The following GAREM2 variants were observed in gnomAD, a reference collection of about 807,000 sequenced individuals.
The protein encoded by GAREM2 is GRB2-associated and regulator of MAPK protein 2.
GAREM2 carries 30 observed loss-of-function variants against 55.6 expected under a neutral mutation model. The ratio of observed to expected loss-of-function variants is 0.54; its 90% CI spans 0.40 to 0.73. GAREM2 has a LOEUF of 0.73. GAREM2 is among the 30% of genes least tolerant of loss of function. The probability of loss-of-function intolerance (pLI) is 0.00; values close to 1 mark genes in which losing one functional copy is unlikely to be tolerated. For synonymous variants in GAREM2, 550 were observed against 569.1 expected (o/e 0.97, Z 0.48); for missense variants, 1,075 against 1,257.7 (o/e 0.85, Z 2.20).
At chr2:26,201,050 T>TA in the GAREM2 span, 1 of 912,382 alleles carries the variant, frequency 1.1e-6, no homozygotes, top group East Asian at 2.5e-5. Context: ...GTCCTTTTTA[T>TA]AAAAGCAATC....
Position 26,184,350 on chromosome 2 carries a change from C to T in GAREM2, c.502C>T (p.Arg168Cys), listed in dbSNP as rs1278472082. 1 of 1,548,872 alleles carries T rather than the reference C, an allele frequency of 6.5e-7. No individual in the cohort carries two copies. The highest frequency in any genetic ancestry group is 8.7e-7 in the Non-Finnish European group (1 of 1,145,854). Residue 168 changes from arginine to cysteine, a missense_variant, in exon 4 of 6, where the codon CGC becomes TGC. Physicochemically the swap from Arg to Cys is radical, Grantham distance 180. Around this residue, in one of 6 missense-constraint regions of GAREM2, gnomAD observed 230 missense variants for 310.6 expected, o/e 0.74. Transcript: ENST00000401533. ...EILCAKTTKE[R>C]SRFTTLLRKL... ...CCTGTGCGCCAAGACCACCAAGGAG[C>T]GCTCGCGCTTCACCACCCTCCTGCG...
Position 26,184,338 on chromosome 2 carries a change from A to C in GAREM2, c.490A>C (p.Thr164Pro), listed in dbSNP as rs760689199. 21 of 1,550,164 alleles carry C rather than the reference A, an allele frequency of 1.4e-5. No homozygotes were observed. In the African/African-American group the frequency reaches 2.7e-4, roughly 20 times the overall value. Reference sequence around the variant, plus strand: ...CCAGGCGGAGATCCTGTGCGCCAAGACCACCAAGGAGCGCTCGCGCTTCAC... The same window carrying C: ...CCAGGCGGAGATCCTGTGCGCCAAGCCCACCAAGGAGCGCTCGCGCTTCAC... ...MGQAEILCAK[T>P]TKERSRFTTL... The change falls in exon 4 of 6, where the codon ACC becomes CCC. Residue 164 changes from threonine (T) to proline (P), a missense_variant. Transcript: ENST00000401533.
At chr2:26,202,515 C>T in the GAREM2 span, among the ~76,000 whole-genome samples, 11 of 152,110 alleles carry the variant, frequency 7.2e-5, no homozygotes, top group Non-Finnish European at 1.3e-4. Flanking sequence ...CTGCAGCAGG[C>T]GGATCACTTG....
downstream of GAREM2, among the ~76,000 whole-genome samples, chr2:26,192,646 C>T (rs748433293): frequency 7.9e-5 from 12 of 151,846 alleles, no homozygotes; most frequent in Non-Finnish European, 1.5e-4. Flanking sequence ...ATTAGCTGGG[C>T]GAAGCAGGAG....
intron 4 of GAREM2, 22 bp downstream of exon 4, chr2:26,185,298 C>G (rs1486321308): frequency 6.7e-7 from 1 of 1,490,072 alleles, no homozygotes; most frequent in Non-Finnish European, 8.9e-7. Flanking sequence ...CGCTGGGGGC[C>G]GAGTCCCGGG....
the GAREM2 span, among the ~76,000 whole-genome samples, chr2:26,201,715 G>A: frequency 7.2e-5 from 11 of 152,130 alleles, no homozygotes; most frequent in African/African-American, 1.9e-4. Flanking sequence ...AGCAGCCAAA[G>A]TGTGTCTGAG....
rs1402802266 is a variant in GAREM2, at chr2:26,183,000, T to G, written c.287T>G (p.Val96Gly). 1 of 1,551,670 alleles carries G rather than the reference T, an allele frequency of 6.4e-7. No homozygotes were observed. Among genetic ancestry groups the G allele is most frequent in the Admixed American group, 2.0e-5 (1 of 51,004 alleles). The change falls in exon 3 of 6, where the codon GTG becomes GGG. Residue 96 changes from valine (V) to glycine (G), a missense_variant. By Grantham distance (109) the Val-to-Gly change is moderately radical. Transcript: ENST00000401533. ...KFKLLEQARDVREPVRYFSSV... is the reference protein window; with the variant it reads ...KFKLLEQARDGREPVRYFSSV... ...AAGCTCCTGGAACAGGCCCGGGATG[T>G]GCGGGAGCCAGTGAGGTACTTCAGC...
the GAREM2 span, among the ~76,000 whole-genome samples, chr2:26,198,380 G>T: frequency 0.024 from 2,837 of 117,258 alleles, 104 homozygotes; most frequent in African/African-American, 0.086. Context: ...TTTTTTTTTT[G>T]TTTTTTTTTT....
downstream of GAREM2, chr2:26,191,177 A>G (rs1415953523): frequency 2.1e-5 from 30 of 1,444,958 alleles, no homozygotes; most frequent in Admixed American, 5.0e-4. Flanking sequence ...AAATCTAGAC[A>G]CCACTCTGTT....
chr2:26,201,268 T>C, the GAREM2 span: 4 of 1,612,078 alleles, frequency 2.5e-6, no homozygotes, highest in Non-Finnish European at 3.4e-6. Flanking sequence ...TTGCTGAAGA[T>C]GGAATCCCTT....
intron 1 of GAREM2, 107 bp downstream of exon 1, chr2:26,173,439 A>C: frequency 1.9e-6 from 1 of 531,160 alleles, no homozygotes; most frequent in African/African-American, 2.0e-5. Flanking sequence ...GCACCCTCCC[A>C]GCTCCCCGGC....
the GAREM2 span, chr2:26,204,178 A>G: frequency 6.2e-7 from 1 of 1,614,070 alleles, no homozygotes; most frequent in Non-Finnish European, 8.5e-7. Context: ...TCAGCCCTGC[A>G]CCAAGAATAG....
chr2:26,196,705 T>C, the GAREM2 span, among the ~76,000 whole-genome samples: 2 of 152,174 alleles, frequency 1.3e-5, no homozygotes, highest in Non-Finnish European at 2.9e-5. Flanking sequence ...TCCTAGATAC[T>C]TGGAGGGCAG....
At chr2:26,180,368 A>G (rs577638230) in intron 2 of GAREM2, among the ~76,000 whole-genome samples, 152 of 152,202 alleles carry the variant, frequency 1.0e-3, no homozygotes, top group African/African-American at 3.7e-3. Flanking sequence ...TGGGATGAAC[A>G]TCCCCAAAGG....
At position 26,186,340 on chromosome 2, in the gene GAREM2, C is replaced by G; in HGVS notation, c.1580C>G (p.Ser527Cys). 1 of 1,551,922 alleles carries G rather than the reference C, an allele frequency of 6.4e-7. No individual in the cohort carries two copies. The highest frequency in any genetic ancestry group is 8.7e-7 in the Non-Finnish European group (1 of 1,147,024). ...HSPSSSLSYY[S>C]SGLQDGAGSR... The stretch of plus-strand genomic sequence containing the variant: ...CCCAGCTCCAGCCTCTCCTACTACT[C>G]CTCTGGCCTCCAGGATGGGTGAGTC... The change falls in exon 5 of 6, where the codon TCC becomes TGC. Residue 527 changes from serine to cysteine, a missense_variant. Ser to Cys is a moderately radical substitution (Grantham distance 112, BLOSUM62 -1). Around this residue, in one of 6 missense-constraint regions of GAREM2, gnomAD observed 515 missense variants for 501.5 expected, o/e 1.03. Coordinates refer to ENST00000401533, the MANE Select transcript of GAREM2 (RefSeq NM_001168241.2).
Position 26,186,421 on chromosome 2 carries a change from A to AGG in GAREM2, c.1598+67_1598+68dup, listed in dbSNP as rs1050600561. 6.9e-6 allele frequency: 10 copies of AGG among 1,454,012 alleles called. No homozygotes were observed. In the African/African-American group the frequency reaches 1.4e-4, roughly 20 times the overall value. The allele number at this position is 1,454,012 out of a possible 1,614,324, so 90.1% of individuals were successfully genotyped here. A position where few individuals can be genotyped will look rare whatever the true frequency, so the allele number is the denominator to read the frequency against. Reference sequence around the variant, plus strand: ...TAGATCAAGGCAGGGAAGGGTGAGGAGGGGGAACTACAGTGCTGAGGAAGA... The same window carrying AGG: ...TAGATCAAGGCAGGGAAGGGTGAGGAGGGGGGGAACTACAGTGCTGAGGAAGA... On this transcript the variant is annotated intron_variant, in intron 5 of 5. Coordinates refer to ENST00000401533, the MANE Select transcript of GAREM2 (RefSeq NM_001168241.2).
chr2:26,191,082 C>A, downstream of GAREM2: 1 of 695,500 alleles, frequency 1.4e-6, no homozygotes, highest in South Asian at 1.6e-5. Context: ...TCACACTTCA[C>A]CAGGAGGGAG....
At chr2:26,180,285 C>T (rs1206701228) in intron 2 of GAREM2, among the ~76,000 whole-genome samples, 3 of 152,200 alleles carry the variant, frequency 2.0e-5, no homozygotes, top group Non-Finnish European at 4.4e-5. Flanking sequence ...GTTTAGGGGT[C>T]TCCAGGAACC....
chr2:26,181,103 T>G, intron 2 of GAREM2: 1 of 985,508 alleles, frequency 1.0e-6, no homozygotes, highest in Non-Finnish European at 1.2e-6. Context: ...CTGACTGGTC[T>G]CCCGGTTATT....
Sources: allele counts gnomAD v4.1 joint callset (sites outside exome capture counted in the v4.1 genomes callset), GRCh38; gene constraint gnomAD v4.1.1; regional missense constraint gnomAD v4.1.1; transcripts MANE v1.5; gene names NCBI Gene and HGNC (gene_info 2026-07-23, HGNC 2026-07-21).